The following RGL1 variants were observed in gnomAD, a reference collection of about 807,000 sequenced individuals.
RGL1 encodes ral guanine nucleotide dissociation stimulator-like 1.
In RGL1, 24 loss-of-function variants were observed where a neutral mutation model predicts 95.2. That is an observed-to-expected ratio of 0.25 (90% confidence interval 0.18 to 0.35). The LOEUF is 0.35. Among genes scored for constraint, RGL1 ranks in the 10% least tolerant of loss-of-function variants. The pLI is 1.00. For missense variants in RGL1, 715 were observed against 936.3 expected (o/e 0.76, Z 3.08); for synonymous variants, 329 against 344.9 (o/e 0.95, Z 0.51).
rs551008973 is a variant in RGL1 at position 183,668,935 on chromosome 1, C to CTTTTTTTT, written c.-33+32438_-33+32439insTTTTTTTT. On this transcript the variant is annotated intron_variant, in intron 1 of 18. Coordinates refer to the RGL1 transcript ENST00000304685. ...CTTTTTGCTTTTGGTATTGGACTTT[C>CTTTTTTTT]TTTTCTTTTTTTTTTTTTTTGAGAT... is the stretch of plus-strand genomic sequence containing the variant. Among the ~76,000 whole-genome samples the CTTTTTTTT allele has an allele frequency of 1.4e-4, 16 of 115,558 alleles. 5 individuals are homozygous for CTTTTTTTT. The highest frequency in any genetic ancestry group is 1.6e-4 in the African/African-American group (5 of 31,532). The allele number at this position is 115,558 out of a possible 152,430, so 75.8% of individuals were successfully genotyped here.
intron 2 of RGL1, among the ~76,000 whole-genome samples, chr1:183,798,960 A>C (rs1660840285): frequency 7.0e-6 from 1 of 142,576 alleles, no homozygotes; most frequent in Non-Finnish European, 1.5e-5. Context: ...GCTGGAGTGC[A>C]GTGGCACCAT....
intron 12 of RGL1, among the ~76,000 whole-genome samples, chr1:183,902,951 C>T (rs1558283721): frequency 6.6e-6 from 1 of 152,126 alleles, no homozygotes; most frequent in African/African-American, 2.4e-5. Context: ...TCAGCAATAG[C>T]AGGCTTGCCA....
At chr1:183,855,268 A>G (rs1665063063) in intron 3 of RGL1, among the ~76,000 whole-genome samples, 1 of 152,162 alleles carries the variant, frequency 6.6e-6, no homozygotes, top group Non-Finnish European at 1.5e-5. Flanking sequence ...GTGCGTTTTT[A>G]ATGAAAACCT....
At chr1:183,897,538 G>T (rs1268115656) in intron 9 of RGL1, among the ~76,000 whole-genome samples, 1 of 148,874 alleles carries the variant, frequency 6.7e-6, no homozygotes, top group Non-Finnish European at 1.5e-5. Flanking sequence ...AGCAGAGTGA[G>T]ACTTCGTCTC....
chr1:183,815,564 T>C (rs1162795974), intron 2 of RGL1, among the ~76,000 whole-genome samples: 1 of 152,134 alleles, frequency 6.6e-6, no homozygotes, highest in Non-Finnish European at 1.5e-5. Context: ...TTTTCAGGGG[T>C]ATGTTCAGCA....
At position 183,927,025 on chromosome 1, in the gene RGL1, G is replaced by T. The variant is rs968497527; in HGVS notation, c.*733G>T. ...TCTAGCCATCATGACACCTCTGGAGGTGTCAAGCTCCTGAAACAAGCTCAT... is the reference window on the plus strand; with the variant it reads ...TCTAGCCATCATGACACCTCTGGAGTTGTCAAGCTCCTGAAACAAGCTCAT... On this transcript the variant is annotated 3_prime_UTR_variant, in exon 18 of 18. Coordinates refer to ENST00000360851, the MANE Select transcript of RGL1 (RefSeq NM_001297671.3). 1.3e-5 allele frequency: 2 copies of T among 152,606 alleles called. No individual in the cohort carries two copies. The highest frequency in any genetic ancestry group is 2.9e-5 in the Non-Finnish European group (2 of 68,046). 9.5% of individuals were successfully genotyped at this position (152,606 alleles called of 1,614,324 possible).
intron 2 of RGL1, among the ~76,000 whole-genome samples, chr1:183,824,902 C>T (rs1024415048): frequency 2.0e-4 from 31 of 152,188 alleles, no homozygotes; most frequent in Admixed American, 1.9e-3. Flanking sequence ...AATGTAATCA[C>T]CCTCCGCCAA....
intron 2 of RGL1, among the ~76,000 whole-genome samples, chr1:183,815,103 G>A (rs111500668): frequency 0.019 from 2,884 of 152,046 alleles, 83 homozygotes; most frequent in African/African-American, 0.065. Flanking sequence ...GAAAACCCAC[G>A]TCTCTACTAA....
intron 1 of RGL1, among the ~76,000 whole-genome samples, chr1:183,675,478 G>T (rs1395217963): frequency 6.8e-6 from 1 of 147,866 alleles, no homozygotes; most frequent in Admixed American, 6.9e-5. Context: ...TGAAGAAAAA[G>T]TGTTATCACT....
At chr1:183,913,393 A>C (rs1347889997) in intron 15 of RGL1, among the ~76,000 whole-genome samples, 1 of 151,844 alleles carries the variant, frequency 6.6e-6, no homozygotes, top group African/African-American at 2.4e-5. Context: ...ATGGAGTTTC[A>C]CCATGTTGGC....
At chr1:183,889,377 G>A (rs866154259) in intron 8 of RGL1, among the ~76,000 whole-genome samples, 1 of 152,244 alleles carries the variant, frequency 6.6e-6, no homozygotes, top group Middle Eastern at 3.4e-3. Flanking sequence ...GCTATATCAG[G>A]GAAGAATCTA....
intron 1 of RGL1, among the ~76,000 whole-genome samples, chr1:183,679,790 C>T (rs773053341): frequency 6.6e-6 from 1 of 152,180 alleles, no homozygotes; most frequent in Non-Finnish European, 1.5e-5. Context: ...GGAATCGCCA[C>T]ACTGTCTTCC....
At chr1:183,816,241 A>T (rs552357929) in intron 2 of RGL1, among the ~76,000 whole-genome samples, 1 of 152,170 alleles carries the variant, frequency 6.6e-6, no homozygotes, top group East Asian at 1.9e-4. Context: ...ACAGTGGGCC[A>T]TATTCTGTCT....
rs371658755 is a variant in RGL1 at position 183,897,913 on chromosome 1, G to T, written c.1230+16G>T. 3.7e-6 allele frequency: 6 copies of T among 1,607,542 alleles called. No individual in the cohort carries two copies. The highest frequency in any genetic ancestry group is 5.1e-6 in the Non-Finnish European group (6 of 1,174,348). On this transcript the variant is annotated intron_variant, in intron 10 of 17. Transcript: ENST00000360851. ...GAAGGACATGGTATGTCTGGCCCTCGTCTTCCCTGACAGCTCACAGAGGAG... is the reference window on the plus strand; with the variant it reads ...GAAGGACATGGTATGTCTGGCCCTCTTCTTCCCTGACAGCTCACAGAGGAG...
Position 183,909,471 on chromosome 1 carries a change from C to T in RGL1, c.1562+2370C>T, listed in dbSNP as rs1272962527. 2.0e-5 allele frequency among the ~76,000 whole-genome samples: 3 copies of T among 152,158 alleles called. No individual in the cohort carries two copies. The East Asian group carries it at 5.8e-4, about 29-fold the overall frequency. ...GGAGGACCACTAGTTGACATCCTTT[C>T]AAGATCTACCTTTGTAATTTATGAA... On this transcript the variant is annotated intron_variant, in intron 14 of 17. Coordinates refer to ENST00000360851, the MANE Select transcript of RGL1 (RefSeq NM_001297671.3).
At chr1:183,706,460 C>T (rs530870464) in intron 1 of RGL1, among the ~76,000 whole-genome samples, 1 of 152,328 alleles carries the variant, frequency 6.6e-6, no homozygotes, top group East Asian at 1.9e-4. Flanking sequence ...TGTTCCAGGG[C>T]ACTGTCAGTC....
intron 4 of RGL1, among the ~76,000 whole-genome samples, chr1:183,875,695 G>C (rs757532888): frequency 6.6e-6 from 1 of 151,782 alleles, no homozygotes; most frequent in Middle Eastern, 3.4e-3. Flanking sequence ...GGCCAACATG[G>C]TGAAACCTGG....
At chr1:183,700,239 G>C (rs1654506450) in intron 1 of RGL1, among the ~76,000 whole-genome samples, 1 of 152,152 alleles carries the variant, frequency 6.6e-6, no homozygotes, top group African/African-American at 2.4e-5. Flanking sequence ...GGGAAGAAAG[G>C]AATTGTAGGC....
chr1:183,738,327 A>G (rs1435550767), intron 1 of RGL1, among the ~76,000 whole-genome samples: 2 of 152,170 alleles, frequency 1.3e-5, no homozygotes, highest in Admixed American at 6.5e-5. Context: ...AGGCTGAGGC[A>G]TGAGAATCGC....
Sources: gnomAD v4.1 joint callset for allele counts (sites outside exome capture counted in the v4.1 genomes callset) on GRCh38, gnomAD v4.1.1 for gene constraint, MANE v1.5 for transcripts, NCBI Gene and HGNC (gene_info 2026-07-23, HGNC 2026-07-21) for gene names.